Variants in SLC35F3 observed in about 807,000 individuals in gnomAD.
The protein encoded by SLC35F3 is putative thiamine transporter SLC35F3.
In SLC35F3, 25 loss-of-function variants were observed where a neutral mutation model predicts 49.9. The observed-to-expected ratio is 0.50, with a 90% CI of 0.37 to 0.70. SLC35F3 has a LOEUF of 0.70. SLC35F3 is among the 30% of genes least tolerant of loss of function. SLC35F3 has a pLI of 0.00. For missense variants in SLC35F3, 525 were observed against 639.8 expected (o/e 0.82, Z 1.94); for synonymous variants, 275 against 265.4 (o/e 1.04, Z -0.35).
Position 234,054,347 on chromosome 1 carries a change from C to T in SLC35F3, c.283+148589C>T, listed in dbSNP as rs550531344. Among the ~76,000 whole-genome samples the T allele has an allele frequency of 2.6e-5, 4 of 152,252 alleles. No homozygotes were observed. In the East Asian group the frequency reaches 7.7e-4, roughly 29 times the overall value. On this transcript the variant is annotated intron_variant, in intron 2 of 7. Coordinates refer to ENST00000366618, the MANE Select transcript of SLC35F3 (RefSeq NM_173508.4). The stretch of plus-strand genomic sequence containing the variant: ...TGGAGACTTTGTTTGTTTCTTTTTA[C>T]TCTTTTTTCTCTAAACTTCTCTTCT...
intron 2 of SLC35F3, among the ~76,000 whole-genome samples, chr1:233,988,509 C>T (rs1406585992): frequency 1.3e-5 from 2 of 152,156 alleles, no homozygotes; most frequent in African/African-American, 2.4e-5. Flanking sequence ...TTCAGAAGTG[C>T]CTGGTGCTAT....
chr1:234,240,205 C>T (rs763489861), intron 3 of SLC35F3, among the ~76,000 whole-genome samples: 2 of 152,140 alleles, frequency 1.3e-5, no homozygotes, highest in Non-Finnish European at 2.9e-5. Context: ...CATGGTGGCT[C>T]ATGCCTGTAA....
intron 2 of SLC35F3, among the ~76,000 whole-genome samples, chr1:234,031,998 C>A (rs867593192): frequency 1.7e-4 from 26 of 152,196 alleles, no homozygotes; most frequent in African/African-American, 6.3e-4. Flanking sequence ...CCAACCCATC[C>A]ATTTTCCCAT....
At position 234,135,980 on chromosome 1, in the gene SLC35F3, G is replaced by A. The variant is rs148137061; in HGVS notation, c.284-95437G>A. ...GCCATATACCAAGGGCCGGATCAAGGGCACTGGGGATGAGAATAGAAAGCA... is the reference window on the plus strand; with the variant it reads ...GCCATATACCAAGGGCCGGATCAAGAGCACTGGGGATGAGAATAGAAAGCA... On this transcript the variant is annotated intron_variant, in intron 2 of 7. Coordinates refer to ENST00000366618, the MANE Select transcript of SLC35F3 (RefSeq NM_173508.4). 4.6e-3 allele frequency among the ~76,000 whole-genome samples: 707 copies of A among 152,286 alleles called. 2 individuals are homozygous for A. Among genetic ancestry groups the A allele is most frequent in the African/African-American group, 0.016 (658 of 41,568 alleles).
intron 2 of SLC35F3, among the ~76,000 whole-genome samples, chr1:233,946,245 G>A (rs1662511685): frequency 6.6e-6 from 1 of 152,172 alleles, no homozygotes; most frequent in South Asian, 2.1e-4. Flanking sequence ...TGTTGATGTA[G>A]CATCTACTGA....
chr1:233,993,216 C>T (rs1166341408), intron 2 of SLC35F3, among the ~76,000 whole-genome samples: 1 of 152,172 alleles, frequency 6.6e-6, no homozygotes, highest in Non-Finnish European at 1.5e-5. Flanking sequence ...ATCCACCCAA[C>T]TCAGCCTCCC....
chr1:234,214,638 A>AG lies in SLC35F3; in HGVS notation c.284-16773dup. On this transcript the variant is annotated intron_variant, in intron 2 of 7. Coordinates refer to ENST00000366618, the MANE Select transcript of SLC35F3 (RefSeq NM_173508.4). This position sits in a 1 kb window ranked among gnomAD's most constrained non-coding sequence, Gnocchi z 8.0. ...CTAGCCGGGGAATGCTGCCACCCTG[A>AG]GGGGGGCTGTCTGGCTGCGGGGCGC... The AG allele has an allele frequency of 6.7e-7, 1 of 1,488,792 alleles. No individual in the cohort carries two copies. The highest frequency in any genetic ancestry group is 9.0e-7 in the Non-Finnish European group (1 of 1,115,552). The allele number at this position is 1,488,792 out of a possible 1,614,324, so 92.2% of individuals were successfully genotyped here.
At chr1:233,975,158 C>T (rs1663061109) in intron 2 of SLC35F3, among the ~76,000 whole-genome samples, 1 of 152,244 alleles carries the variant, frequency 6.6e-6, no homozygotes, top group Non-Finnish European at 1.5e-5. Context: ...TGCATTTTAA[C>T]AACTGCTCTG....
chr1:234,074,555 A>G (rs1193106014), intron 2 of SLC35F3, among the ~76,000 whole-genome samples: 1 of 152,196 alleles, frequency 6.6e-6, no homozygotes, highest in East Asian at 1.9e-4. Flanking sequence ...GATGACTTCT[A>G]CAGACACTGG....
chr1:234,164,786 T>G (rs1024504790), intron 2 of SLC35F3, among the ~76,000 whole-genome samples: 3 of 133,922 alleles, frequency 2.2e-5, no homozygotes, highest in African/African-American at 8.7e-5. Flanking sequence ...TAGCCATTAC[T>G]GAGACTGAGA....
intron 2 of SLC35F3, among the ~76,000 whole-genome samples, chr1:234,192,401 T>A (rs758228468): frequency 2.3e-4 from 35 of 152,126 alleles, no homozygotes; most frequent in Non-Finnish European, 4.3e-4. Flanking sequence ...GTCCAGCATC[T>A]CTTTATGATT....
chr1:234,001,442 C>T (rs1663552569), intron 2 of SLC35F3, among the ~76,000 whole-genome samples: 1 of 152,156 alleles, frequency 6.6e-6, no homozygotes, highest in Admixed American at 6.5e-5. Context: ...GAATGAATGG[C>T]TATTGTCATA....
At chr1:233,966,108 G>A (rs1558191766) in intron 2 of SLC35F3, among the ~76,000 whole-genome samples, 1 of 152,142 alleles carries the variant, frequency 6.6e-6, no homozygotes, top group East Asian at 1.9e-4. Context: ...GAGGGAAATG[G>A]TCTTCCAGTA....
At chr1:234,268,228 G>C (rs954933466) in intron 3 of SLC35F3, among the ~76,000 whole-genome samples, 2 of 152,190 alleles carry the variant, frequency 1.3e-5, no homozygotes, top group Non-Finnish European at 2.9e-5. Flanking sequence ...CGAGGCTGGC[G>C]GATCACTCGC....
intron 2 of SLC35F3, among the ~76,000 whole-genome samples, chr1:233,952,649 G>C (rs1558187816): frequency 6.6e-6 from 1 of 152,148 alleles, no homozygotes; most frequent in Non-Finnish European, 1.5e-5. Context: ...CCACACCCCT[G>C]CTGTGGTGAA....
At chr1:234,204,131 T>C (rs1257988629) in intron 2 of SLC35F3, among the ~76,000 whole-genome samples, 1 of 152,182 alleles carries the variant, frequency 6.6e-6, no homozygotes, top group Non-Finnish European at 1.5e-5. Context: ...ACATTTAGGT[T>C]ATTTCCAGTG....
rs1270545864 is a variant in SLC35F3 at position 234,231,610 on chromosome 1, C to T, written c.477C>T (p.Thr159=). Residue 159 remains threonine, a synonymous_variant, in exon 3 of 8, where the codon ACC becomes ACT. Coordinates refer to ENST00000366618, the MANE Select transcript of SLC35F3 (RefSeq NM_173508.4). The surrounding 1 kb of genome is among the most constrained non-coding windows in gnomAD (Gnocchi z 5.4). The part of the protein sequence containing the change: ...WAGSTQLAKL[T]FRKFDAPFTL... ...GCTCCACGCAGCTCGCCAAGCTGAC[C>T]TTCAGGAAGTTCGACGCGCCCTTCA... 1 of 1,614,112 alleles carries T rather than the reference C, an allele frequency of 6.2e-7. No individual in the cohort carries two copies. Among genetic ancestry groups the T allele is most frequent in the Non-Finnish European group, 8.5e-7 (1 of 1,180,038 alleles).
intron 2 of SLC35F3, among the ~76,000 whole-genome samples, chr1:233,948,356 C>T (rs1444785677): frequency 6.6e-6 from 1 of 151,946 alleles, no homozygotes; most frequent in Non-Finnish European, 1.5e-5. Flanking sequence ...CCTCCAGCCC[C>T]ATCTTTGATC....
chr1:233,934,140 A>T (rs531564535), intron 2 of SLC35F3, among the ~76,000 whole-genome samples: 2 of 152,228 alleles, frequency 1.3e-5, no homozygotes, highest in East Asian at 3.8e-4. Context: ...AATTCAGAGT[A>T]TGTCTTTAGG....
Sources: gnomAD v4.1 joint callset for allele counts (sites outside exome capture counted in the v4.1 genomes callset) on GRCh38, gnomAD v4.1.1 for gene constraint, Gnocchi (gnomAD v3.1) non-coding constraint, MANE v1.5 for transcripts, NCBI Gene and HGNC (gene_info 2026-07-23, HGNC 2026-07-21) for gene names.